Variants in TNFSF4 observed in about 807,000 individuals in gnomAD.
TNFSF4 encodes the protein TNF superfamily member 4, also known as tumor necrosis factor ligand superfamily member 4.
In TNFSF4, 4 loss-of-function variants were observed where a neutral mutation model predicts 7.3. The ratio of observed to expected loss-of-function variants is 0.55; its 90% CI spans 0.27 to 1.25. The LOEUF is 1.25. TNFSF4 is among the 50% of genes most tolerant of loss of function. TNFSF4 has a pLI of 0.12. For synonymous variants in TNFSF4, 76 were observed against 83.7 expected (o/e 0.91, Z 0.50); for missense variants, 181 against 208.8 (o/e 0.87, Z 0.82).
At chr1:173,191,218 T>A (rs1225693906) in intron 1 of TNFSF4, among the ~76,000 whole-genome samples, 1 of 152,070 alleles carries the variant, frequency 6.6e-6, no homozygotes, top group Non-Finnish European at 1.5e-5. Flanking sequence ...AGGCAGTGAG[T>A]GAGTAAAGCA....
At chr1:173,316,934 G>GAT in the TNFSF4 span, among the ~76,000 whole-genome samples, 3 of 152,108 alleles carry the variant, frequency 2.0e-5, no homozygotes, top group African/African-American at 7.2e-5. Context: ...GAATAATGAA[G>GAT]ATAGCCCAGA....
the TNFSF4 span, among the ~76,000 whole-genome samples, chr1:173,423,238 GA>G: frequency 6.6e-6 from 1 of 152,058 alleles, no homozygotes; most frequent in Admixed American, 6.5e-5. Context: ...TTACATATGA[GA>G]AAATGGATTT....
chr1:173,262,152 C>T, the TNFSF4 span, among the ~76,000 whole-genome samples: 101 of 152,294 alleles, frequency 6.6e-4, no homozygotes, highest in Admixed American at 2.1e-3. Flanking sequence ...CAGCTTCATC[C>T]CTGGGATACA....
At chr1:173,427,422 A>G in the TNFSF4 span, among the ~76,000 whole-genome samples, 9 of 148,560 alleles carry the variant, frequency 6.1e-5, no homozygotes, top group African/African-American at 2.2e-4. Flanking sequence ...CCGCCCCCCC[A>G]CTGACCCCAC....
At chr1:173,378,675 T>C in the TNFSF4 span, among the ~76,000 whole-genome samples, 3 of 152,272 alleles carry the variant, frequency 2.0e-5, no homozygotes, top group South Asian at 2.1e-4. Context: ...AAATAGCTTA[T>C]GTCCAAGCTT....
At chr1:173,344,931 A>G in the TNFSF4 span, among the ~76,000 whole-genome samples, 2 of 152,242 alleles carry the variant, frequency 1.3e-5, no homozygotes, top group Non-Finnish European at 2.9e-5. Context: ...CAAAGAGTCC[A>G]TGCAACCTCT....
chr1:173,340,172 A>G, the TNFSF4 span, among the ~76,000 whole-genome samples: 2 of 152,154 alleles, frequency 1.3e-5, no homozygotes, highest in Non-Finnish European at 2.9e-5. Context: ...TCGAACTGAA[A>G]CATCAGTTTT....
chr1:173,320,810 G>A, the TNFSF4 span, among the ~76,000 whole-genome samples: 3 of 152,146 alleles, frequency 2.0e-5, no homozygotes, highest in Admixed American at 6.5e-5. Context: ...ACAAATCAAT[G>A]CTCAAGGAAA....
At chr1:173,319,000 C>G in the TNFSF4 span, among the ~76,000 whole-genome samples, 1,870 of 152,326 alleles carry the variant, frequency 0.012, 25 homozygotes, top group South Asian at 0.017. Context: ...CAGAACCATT[C>G]ACTGACCTGG....
At chr1:173,209,514 T>C (rs1441984006), upstream of TNFSF4, among the ~76,000 whole-genome samples, 1 of 152,196 alleles carries the variant, frequency 6.6e-6, no homozygotes, top group Non-Finnish European at 1.5e-5. Context: ...CATTTATTTA[T>C]TTATTTTAGA....
the TNFSF4 span, among the ~76,000 whole-genome samples, chr1:173,263,500 A>AT: frequency 1.3e-5 from 2 of 152,136 alleles, no homozygotes; most frequent in South Asian, 2.1e-4. Context: ...CCCTCCTGCA[A>AT]TTTTTTTGAA....
the TNFSF4 span, among the ~76,000 whole-genome samples, chr1:173,352,792 G>GT: frequency 6.6e-6 from 1 of 151,928 alleles, no homozygotes; most frequent in African/African-American, 2.4e-5. Context: ...AAGCCTGGGG[G>GT]TGCTGCAGGA....
the TNFSF4 span, among the ~76,000 whole-genome samples, chr1:173,243,224 C>T: frequency 1.3e-5 from 2 of 152,182 alleles, no homozygotes; most frequent in Non-Finnish European, 2.9e-5. Flanking sequence ...TATTCTTCCA[C>T]GTCCTACACA....
At chr1:173,362,351 G>A in the TNFSF4 span, 1 of 314,464 alleles carries the variant, frequency 3.2e-6, no homozygotes, top group Non-Finnish European at 6.2e-6. Context: ...TGTGTATACA[G>A]TTCATGTTGC....
the TNFSF4 span, among the ~76,000 whole-genome samples, chr1:173,176,917 A>T: frequency 6.6e-6 from 1 of 152,192 alleles, no homozygotes. Context: ...TGGGAGCTAA[A>T]CAACAAAAAC....
the TNFSF4 span, among the ~76,000 whole-genome samples, chr1:173,352,691 C>T: frequency 1.2e-4 from 18 of 152,180 alleles, no homozygotes; most frequent in African/African-American, 1.9e-4. Context: ...CCACTGTGCA[C>T]GCATTGTCAT....
chr1:173,305,118 G>T, the TNFSF4 span, among the ~76,000 whole-genome samples: 1 of 151,872 alleles, frequency 6.6e-6, no homozygotes, highest in Non-Finnish European at 1.5e-5. Context: ...AATTTATCCA[G>T]ACACCTAAGA....
chr1:173,348,284 T>C, the TNFSF4 span, among the ~76,000 whole-genome samples: 72 of 152,168 alleles, frequency 4.7e-4, no homozygotes, highest in Non-Finnish European at 9.7e-4. Flanking sequence ...TGAGATCTGA[T>C]CGTTTTATAA....
chr1:173,229,119 A>G, the TNFSF4 span, among the ~76,000 whole-genome samples: 1 of 152,228 alleles, frequency 6.6e-6, no homozygotes, highest in Non-Finnish European at 1.5e-5. Flanking sequence ...ACCCTAAGAC[A>G]CATAATTGTC....
Sources: allele counts gnomAD v4.1 joint callset (sites outside exome capture counted in the v4.1 genomes callset), GRCh38; gene constraint gnomAD v4.1.1; transcripts MANE v1.5; gene names NCBI Gene and HGNC (gene_info 2026-07-23, HGNC 2026-07-21).